The following PARD3 variants were observed in gnomAD, a reference collection of about 807,000 sequenced individuals.
PARD3 encodes the protein partitioning defective 3 homolog.
A neutral mutation model predicts 155.4 loss-of-function variants in PARD3; 75 were observed. The observed-to-expected ratio is 0.48, with a 90% CI of 0.40 to 0.58. PARD3 has a LOEUF of 0.58. PARD3 is among the 20% of genes least tolerant of loss of function. The pLI, the probability that PARD3 is intolerant of heterozygous loss-of-function variation, is 0.00. For synonymous variants in PARD3, 576 were observed against 610.5 expected, an observed-to-expected ratio of 0.94 and a Z score of 0.83; for missense variants, 1,642 against 1,721.7, an observed-to-expected ratio of 0.95 and a Z score of 0.82.
chr10:34,666,796 A>AAAAAAATATATAT (rs1358640964), intron 2 of PARD3, among the ~76,000 whole-genome samples: 4 of 66,920 alleles, frequency 6.0e-5, no homozygotes, highest in African/African-American at 1.2e-4. Context: ...AAAAAAAAAA[A>AAAAAAATATATAT]ATATATATAT....
chr10:34,604,261 T>C (rs1206749208), intron 2 of PARD3, among the ~76,000 whole-genome samples: 3 of 152,090 alleles, frequency 2.0e-5, no homozygotes, highest in Non-Finnish European at 2.9e-5. Flanking sequence ...GGTGTGTCTG[T>C]GTGGGTGTTG....
intron 22 of PARD3, among the ~76,000 whole-genome samples, chr10:34,212,003 G>T (rs1156817309): frequency 6.8e-6 from 1 of 146,922 alleles, no homozygotes; most frequent in Non-Finnish European, 1.5e-5. Context: ...TACTTCTTTG[G>T]AATCTCAGAG....
chr10:34,768,231 G>T (rs1838370766), intron 1 of PARD3, among the ~76,000 whole-genome samples: 1 of 152,128 alleles, frequency 6.6e-6, no homozygotes, highest in Admixed American at 6.5e-5. Context: ...ACAGCCTCGG[G>T]AGGTCCTGAT....
intron 2 of PARD3, among the ~76,000 whole-genome samples, chr10:34,538,740 T>A (rs558168125): frequency 6.6e-6 from 1 of 152,298 alleles, no homozygotes. Flanking sequence ...ACAGGAGCCT[T>A]CTAGGAAGAA....
At chr10:34,169,733 A>G (rs894082) in intron 22 of PARD3, among the ~76,000 whole-genome samples, 66,217 of 152,072 alleles carry the variant, frequency 0.44, 14,998 homozygotes, top group Non-Finnish European at 0.5. Flanking sequence ...ATGGAGTGAA[A>G]GATGGCACGT....
intron 22 of PARD3, among the ~76,000 whole-genome samples, chr10:34,251,982 C>T (rs550957598): frequency 2.2e-4 from 33 of 152,122 alleles, no homozygotes; most frequent in Non-Finnish European, 3.8e-4. Context: ...CACCCCCTGC[C>T]CCGCTCCAAA....
intron 2 of PARD3, among the ~76,000 whole-genome samples, chr10:34,639,213 T>C (rs567955256): frequency 1.4e-4 from 21 of 151,894 alleles, no homozygotes; most frequent in African/African-American, 5.1e-4. Context: ...CTGACCAACA[T>C]GGTGAAACCC....
intron 3 of PARD3, among the ~76,000 whole-genome samples, chr10:34,490,390 C>G (rs1024257206): frequency 2.0e-5 from 3 of 149,634 alleles, no homozygotes; most frequent in Non-Finnish European, 4.5e-5. Context: ...GGGCACATTA[C>G]AGAGAGAGAG....
chr10:34,686,348 T>C (rs1369703360), intron 2 of PARD3, among the ~76,000 whole-genome samples: 1 of 152,008 alleles, frequency 6.6e-6, no homozygotes, highest in Non-Finnish European at 1.5e-5. Flanking sequence ...TATATTTTAA[T>C]GTTAAAGGAA....
chr10:34,331,119 G>A lies in PARD3; in HGVS notation c.2831C>T (p.Thr944Ile), dbSNP rs143786438. ...TCTTTCAGCCATTATAAACTTACAG[G>A]TCTCCATGCCTTCATCATCATCATC... ...AVDDDDEGMETLEEDTEESSR... is the reference protein window; with the variant it reads ...AVDDDDEGMEILEEDTEESSR... Residue 944 changes from threonine (T) to isoleucine (I), a missense_variant and splice_region_variant, in exon 19 of 25, where the codon ACC becomes ATC. Thr to Ile is a moderately conservative substitution (Grantham distance 89). Around this residue, in one of 3 missense-constraint regions of PARD3, gnomAD observed 1,529 missense variants for 1,587.3 expected, o/e 0.96. Coordinates refer to ENST00000374788, the MANE Select transcript of PARD3 (RefSeq NM_001184785.2). 6.2e-7 allele frequency: 1 copy of A among 1,609,306 alleles called. No individual in the cohort carries two copies. The highest frequency in any genetic ancestry group is 1.3e-5 in the African/African-American group (1 of 74,884).
intron 22 of PARD3, among the ~76,000 whole-genome samples, chr10:34,164,237 A>G (rs1321780217): frequency 6.6e-6 from 1 of 152,250 alleles, no homozygotes; most frequent in Non-Finnish European, 1.5e-5. Flanking sequence ...AAAGATGAAT[A>G]GGAAAGTTTG....
At chr10:34,513,758 T>C (rs1215810106) in intron 3 of PARD3, among the ~76,000 whole-genome samples, 1 of 152,248 alleles carries the variant, frequency 6.6e-6, no homozygotes, top group Non-Finnish European at 1.5e-5. Flanking sequence ...ATGTATTTAA[T>C]TCAGGGTTTC....
chr10:34,516,017 C>T (rs573782568), intron 3 of PARD3, among the ~76,000 whole-genome samples: 4 of 151,734 alleles, frequency 2.6e-5, no homozygotes, highest in East Asian at 3.9e-4. Flanking sequence ...AGTGCAGTGG[C>T]ACAATCTCGG....
chr10:34,119,714 G>C lies in PARD3; in HGVS notation c.3567C>G (p.Ser1189Arg), dbSNP rs745473559. Residue 1189 changes from serine (S) to arginine (R), a missense_variant, in exon 24 of 25, where the codon AGC becomes AGG. Around this residue, in one of 3 missense-constraint regions of PARD3, gnomAD observed 1,529 missense variants for 1,587.3 expected, o/e 0.96. Transcript: ENST00000374788. ...PWPNARPATQSGRHSVSVEVQ... is the reference protein window; with the variant it reads ...PWPNARPATQRGRHSVSVEVQ... ...CCTCCACGGACACCGAGTGTCGCCC[G>C]CTCTGCGTCGCCGGCCGTGCGTTCG... The C allele has an allele frequency of 6.2e-7, 1 of 1,612,212 alleles. No homozygotes were observed. Among genetic ancestry groups the C allele is most frequent in the Non-Finnish European group, 8.5e-7 (1 of 1,179,020 alleles).
intron 22 of PARD3, among the ~76,000 whole-genome samples, chr10:34,201,735 A>G (rs552022061): frequency 1.3e-4 from 20 of 152,350 alleles, no homozygotes; most frequent in African/African-American, 4.6e-4. Flanking sequence ...ATTTTAACAC[A>G]TCAAGAGATT....
At chr10:34,591,236 A>G (rs1420127639) in intron 2 of PARD3, among the ~76,000 whole-genome samples, 3 of 151,986 alleles carry the variant, frequency 2.0e-5, no homozygotes, top group Admixed American at 2.0e-4. Flanking sequence ...TAATAAATAA[A>G]TCTTACTTTA....
chr10:34,467,180 G>A (rs1317042369), intron 4 of PARD3, among the ~76,000 whole-genome samples: 2 of 152,002 alleles, frequency 1.3e-5, no homozygotes, highest in Non-Finnish European at 2.9e-5. Flanking sequence ...GTCCAAAATT[G>A]AGAGAAAACA....
intron 22 of PARD3, among the ~76,000 whole-genome samples, chr10:34,226,508 C>T (rs1022916030): frequency 1.3e-5 from 2 of 152,312 alleles, no homozygotes; most frequent in Admixed American, 6.5e-5. Context: ...CAAGATCGCA[C>T]CACTGCACTC....
chr10:34,129,700 C>CTTTTTTTTTTTTTT (rs1209547388), intron 23 of PARD3, among the ~76,000 whole-genome samples: 2 of 82,986 alleles, frequency 2.4e-5, no homozygotes, highest in African/African-American at 9.3e-5. Flanking sequence ...TGTCAAGCCT[C>CTTTTTTTTTTTTTT]TTTTTTTTTT....
Sources: gnomAD v4.1 joint callset for allele counts (sites outside exome capture counted in the v4.1 genomes callset) on GRCh38, gnomAD v4.1.1 for gene constraint, gnomAD v4.1.1 regional missense constraint, MANE v1.5 for transcripts, NCBI Gene and HGNC (gene_info 2026-07-23, HGNC 2026-07-21) for gene names.